The following PRICKLE2 variants were observed in gnomAD, a reference collection of about 807,000 sequenced individuals.
PRICKLE2 encodes prickle planar cell polarity protein 2.
In PRICKLE2, 21 loss-of-function variants were observed where a neutral mutation model predicts 81.4. That is an observed-to-expected ratio of 0.26 (90% confidence interval 0.18 to 0.37). PRICKLE2 has a LOEUF of 0.37. Ranked by LOEUF, PRICKLE2 falls within the 10% of genes least tolerant of loss-of-function variation. PRICKLE2 has a pLI of 1.00. For missense variants in PRICKLE2, 940 were observed against 1,109.0 expected, an observed-to-expected ratio of 0.85 and a Z score of 2.16; for synonymous variants, 456 against 421.5, an observed-to-expected ratio of 1.08 and a Z score of -1.00.
chr3:64,214,458 A>G (rs1392854462), intron 1 of PRICKLE2, among the ~76,000 whole-genome samples: 1 of 152,176 alleles, frequency 6.6e-6, no homozygotes, highest in Non-Finnish European at 1.5e-5. Flanking sequence ...AAAGAAACAA[A>G]ACAAACAAAA....
chr3:64,161,182 C>T (rs2077727310), intron 3 of PRICKLE2, among the ~76,000 whole-genome samples: 1 of 152,208 alleles, frequency 6.6e-6, no homozygotes, highest in Non-Finnish European at 1.5e-5. Context: ...TTCAACTACT[C>T]TATCACAAGG....
rs34723451 is a variant in PRICKLE2, at chr3:64,096,160, G to A, written c.*2891C>T. On this transcript the variant is annotated 3_prime_UTR_variant, in exon 8 of 8. Coordinates refer to ENST00000638394, the MANE Select transcript of PRICKLE2 (RefSeq NM_198859.4). ...AGACAAGAAGATCAATATTAGGAGA[G>A]GTGGGAAAAATAACAACCAGGGCAT... 0.14 allele frequency: 21,249 copies of A among 152,172 alleles called. 1,886 individuals carry two copies. Among genetic ancestry groups the A allele is most frequent in the East Asian group, 0.35 (1,814 of 5,142 alleles). 9.4% of individuals were successfully genotyped at this position (152,172 alleles called of 1,614,324 possible).
chr3:64,170,716 A>C (rs71298702), intron 2 of PRICKLE2, among the ~76,000 whole-genome samples: 47,002 of 149,012 alleles, frequency 0.32, 8,093 homozygotes, highest in Non-Finnish European at 0.39. Flanking sequence ...AAAAAAAAAA[A>C]AAAAAAAAAC....
chr3:64,150,002 ACTCCATCT>A (rs915810403), intron 6 of PRICKLE2, among the ~76,000 whole-genome samples: 13 of 133,882 alleles, frequency 9.7e-5, no homozygotes, highest in Non-Finnish European at 1.2e-4. Flanking sequence ...AGACGGATCA[ACTCCATCT>A]CTTACAGCAC....
intron 2 of PRICKLE2, among the ~76,000 whole-genome samples, chr3:64,170,343 CA>C (rs1399834598): frequency 3.3e-5 from 5 of 152,184 alleles, no homozygotes; most frequent in Non-Finnish European, 7.4e-5. Context: ...TCTAATTCAA[CA>C]GTGATTCTTG....
At chr3:64,235,353 T>C (rs2079164412) in intron 2 of PRICKLE2, among the ~76,000 whole-genome samples, 1 of 152,230 alleles carries the variant, frequency 6.6e-6, no homozygotes, top group Admixed American at 6.5e-5. Context: ...CTTTGAAGTC[T>C]TTGCCTGCTA....
chr3:64,115,037 G>C (rs1280974193), intron 7 of PRICKLE2, among the ~76,000 whole-genome samples: 1 of 152,166 alleles, frequency 6.6e-6, no homozygotes, highest in Non-Finnish European at 1.5e-5. Context: ...AAGAATGGGG[G>C]CCAATATTCA....
At chr3:64,219,996 C>T (rs1266322456) in intron 1 of PRICKLE2, among the ~76,000 whole-genome samples, 1 of 152,230 alleles carries the variant, frequency 6.6e-6, no homozygotes, top group Non-Finnish European at 1.5e-5. Context: ...TCAGTAGGCG[C>T]TCAGTCTGTG....
In PRICKLE2 at chr3:64,097,308, T is replaced by G. The variant is rs1369163410; in HGVS notation, c.*1743A>C. On this transcript the variant is annotated 3_prime_UTR_variant, in exon 8 of 8. Transcript: ENST00000638394. ...TGGGACGGGGTCTGAAATGCCACTT[T>G]TGACATTCTCTCCATAAAAAATACT... The G allele has an allele frequency of 6.6e-6, 1 of 152,604 alleles. No individual in the cohort carries two copies. Among genetic ancestry groups the G allele is most frequent in the Admixed American group, 6.5e-5 (1 of 15,278 alleles). The allele number at this position is 152,604 out of a possible 1,614,324, so 9.5% of individuals were successfully genotyped here. A position where few individuals can be genotyped will look rare whatever the true frequency, so the allele number is the denominator to read the frequency against.
intron 2 of PRICKLE2, among the ~76,000 whole-genome samples, chr3:64,262,465 C>T (rs1023613255): frequency 6.6e-6 from 1 of 152,020 alleles, no homozygotes; most frequent in African/African-American, 2.4e-5. Flanking sequence ...AGATGTGTAT[C>T]TAAGTCTGGA....
intron 2 of PRICKLE2, among the ~76,000 whole-genome samples, chr3:64,197,771 T>C (rs2078484532): frequency 6.6e-6 from 1 of 151,878 alleles, no homozygotes; most frequent in Admixed American, 6.6e-5. Context: ...ATCTGGGTGA[T>C]GAAATAATCT....
At chr3:64,254,380 G>C (rs1286772436) in intron 2 of PRICKLE2, among the ~76,000 whole-genome samples, 1 of 152,138 alleles carries the variant, frequency 6.6e-6, no homozygotes, top group African/African-American at 2.4e-5. Flanking sequence ...AAGAGGTATT[G>C]TTCCTGTCTC....
chr3:64,193,597 T>C (rs777561135), intron 2 of PRICKLE2, among the ~76,000 whole-genome samples: 7 of 152,214 alleles, frequency 4.6e-5, no homozygotes, highest in South Asian at 2.1e-4. Flanking sequence ...AATATACTCC[T>C]ACACACATAG....
At position 64,097,247 on chromosome 3, in the gene PRICKLE2, C is replaced by G. The variant is rs2076584385; in HGVS notation, c.*1804G>C. On this transcript the variant is annotated 3_prime_UTR_variant, in exon 8 of 8. Coordinates refer to ENST00000638394, the MANE Select transcript of PRICKLE2 (RefSeq NM_198859.4). ...TACATCCCGAATGGAGTGCCATTAC[C>G]ATGTCCTTTACAGCCTTCCTTTCCT... The G allele has an allele frequency of 6.6e-6, 1 of 152,542 alleles. No individual in the cohort carries two copies. Among genetic ancestry groups the G allele is most frequent in the Non-Finnish European group, 1.5e-5 (1 of 68,034 alleles). 9.4% of individuals were successfully genotyped at this position (152,542 alleles called of 1,614,324 possible).
chr3:64,191,163 A>G (rs2078326501), intron 2 of PRICKLE2, among the ~76,000 whole-genome samples: 1 of 152,188 alleles, frequency 6.6e-6, no homozygotes, highest in Non-Finnish European at 1.5e-5. Flanking sequence ...ACCTTTTGAG[A>G]AGGCTGAGAA....
rs1237075907 is a variant in PRICKLE2, at chr3:64,198,944, C to T, written c.-17G>A. On this transcript the variant is annotated 5_prime_UTR_variant, in exon 2 of 8. Transcript: ENST00000638394. ...TGTCACCATGTGCTCCTCCTGGGGA[C>T]ACTTGCAGTGCAGGCAGATCTTCCT... 1.2e-6 allele frequency: 2 copies of T among 1,614,012 alleles called. No homozygotes were observed. Among genetic ancestry groups the T allele is most frequent in the South Asian group, 1.1e-5 (1 of 91,084 alleles).
intron 2 of PRICKLE2, among the ~76,000 whole-genome samples, chr3:64,255,488 T>C (rs1284612470): frequency 2.0e-5 from 3 of 152,186 alleles, no homozygotes; most frequent in Non-Finnish European, 4.4e-5. Flanking sequence ...ACCTCATTCC[T>C]AGCAGGATGC....
chr3:64,219,440 A>T (rs1161770889), intron 1 of PRICKLE2, among the ~76,000 whole-genome samples: 2 of 152,204 alleles, frequency 1.3e-5, no homozygotes, highest in African/African-American at 4.8e-5. Context: ...TTTAGACCAG[A>T]AGAATTCCCT....
rs1247504361 is a variant in PRICKLE2, at chr3:64,157,349, T to C, written c.413A>G (p.Asn138Ser). The change falls in exon 5 of 8, where the codon AAT becomes AGT. Residue 138 changes from asparagine to serine, a missense_variant. Physicochemically the swap from Asn to Ser is conservative, Grantham distance 46. Coordinates refer to ENST00000638394, the MANE Select transcript of PRICKLE2 (RefSeq NM_198859.4). ...AICEQCGGQINGGDIAVFASR... is the reference protein window; with the variant it reads ...AICEQCGGQISGGDIAVFASR... ...CGCAAACACAGCGATGTCTCCACCA[T>C]TGATCTGGCCTCCGCACTGTGAGGC... 42 of 1,613,144 alleles carry C rather than the reference T, an allele frequency of 2.6e-5. No homozygotes were observed. The highest frequency in any genetic ancestry group is 8.9e-5 in the East Asian group (4 of 44,890).
Sources: gnomAD v4.1 joint callset for allele counts (sites outside exome capture counted in the v4.1 genomes callset) on GRCh38, gnomAD v4.1.1 for gene constraint, MANE v1.5 for transcripts, NCBI Gene and HGNC (gene_info 2026-07-23, HGNC 2026-07-21) for gene names.